Variants in SGCZ observed in about 807,000 individuals in gnomAD.
The protein encoded by SGCZ is zeta-sarcoglycan.
A neutral mutation model predicts 41.3 loss-of-function variants in SGCZ; 40 were observed. The observed-to-expected ratio is 0.97, with a 90% confidence interval of 0.75 to 1.26. The LOEUF is 1.26. Ranked by LOEUF, SGCZ falls within the 50% of genes most tolerant of loss-of-function variation. The probability of loss-of-function intolerance (pLI) is 0.00; values close to 1 mark genes in which losing one functional copy is unlikely to be tolerated. For synonymous variants in SGCZ, 206 were observed against 137.5 expected, an observed-to-expected ratio of 1.50 and a Z score of -3.49; for missense variants, 552 against 369.8, an observed-to-expected ratio of 1.49 and a Z score of -4.04.
At chr8:14,238,845 C>A (rs1283290295) in intron 3 of SGCZ, among the ~76,000 whole-genome samples, 2 of 152,004 alleles carry the variant, frequency 1.3e-5, no homozygotes, top group Non-Finnish European at 2.9e-5. Flanking sequence ...CCTCCAATAT[C>A]ATCCTTACCA....
intron 1 of SGCZ, among the ~76,000 whole-genome samples, chr8:14,875,613 T>C (rs1161628252): frequency 6.6e-6 from 1 of 152,144 alleles, no homozygotes; most frequent in East Asian, 1.9e-4. Flanking sequence ...CTTTGGACTG[T>C]GGTTTTCTCA....
At chr8:15,028,895 G>C (rs1160901184) in intron 1 of SGCZ, among the ~76,000 whole-genome samples, 1 of 151,996 alleles carries the variant, frequency 6.6e-6, no homozygotes, top group Non-Finnish European at 1.5e-5. Flanking sequence ...ATATATTCAA[G>C]ATAATTTAAA....
At chr8:14,142,930 G>A (rs183603767) in intron 5 of SGCZ, among the ~76,000 whole-genome samples, 8 of 151,536 alleles carry the variant, frequency 5.3e-5, no homozygotes, top group Admixed American at 5.3e-4. Flanking sequence ...CTCCCTAGAA[G>A]CAGAAGCCAG....
intron 4 of SGCZ, among the ~76,000 whole-genome samples, chr8:14,171,887 G>A (rs1271505547): frequency 6.6e-6 from 1 of 152,028 alleles, no homozygotes; most frequent in Non-Finnish European, 1.5e-5. Flanking sequence ...TCATAAATCA[G>A]TGAATTAAAT....
intron 2 of SGCZ, among the ~76,000 whole-genome samples, chr8:14,415,576 A>G (rs555475097): frequency 6.6e-6 from 1 of 152,112 alleles, no homozygotes; most frequent in African/African-American, 2.4e-5. Flanking sequence ...ACATTACAGT[A>G]AGTGAGACAG....
intron 1 of SGCZ, among the ~76,000 whole-genome samples, chr8:15,199,606 C>G (rs1800834246): frequency 6.6e-6 from 1 of 152,046 alleles, no homozygotes; most frequent in Non-Finnish European, 1.5e-5. Context: ...AATAGATCAT[C>G]TTTATAAATA....
chr8:14,713,683 C>A (rs1444389618), intron 1 of SGCZ, among the ~76,000 whole-genome samples: 2 of 143,124 alleles, frequency 1.4e-5, no homozygotes, highest in East Asian at 2.0e-4. Context: ...AGTAATAACC[C>A]CTGCCGCAAA....
chr8:14,319,287 C>A (rs1010166173), intron 3 of SGCZ, among the ~76,000 whole-genome samples: 1 of 151,836 alleles, frequency 6.6e-6, no homozygotes, highest in African/African-American at 2.4e-5. Context: ...ACCAAGGTGC[C>A]CTTGGATTTC....
At chr8:15,033,412 AGGCTCCATGCCTATTCCAGAACCAGTCT>A (rs1449264441) in intron 1 of SGCZ, among the ~76,000 whole-genome samples, 2 of 151,996 alleles carry the variant, frequency 1.3e-5, no homozygotes, top group Non-Finnish European at 2.9e-5. Context: ...GACTAGTCCC[AGGCTCCATGCCTATTCCAGAACCAGTCT>A]GGCCCCAGGG....
chr8:14,980,351 A>C (rs1223831892), intron 1 of SGCZ, among the ~76,000 whole-genome samples: 1 of 152,242 alleles, frequency 6.6e-6, no homozygotes, highest in Non-Finnish European at 1.5e-5. Context: ...GGGATACCCA[A>C]GTATTGACTT....
intron 3 of SGCZ, among the ~76,000 whole-genome samples, chr8:14,261,333 G>A (rs567820298): frequency 1.6e-4 from 24 of 151,976 alleles, no homozygotes; most frequent in African/African-American, 5.8e-4. Context: ...TAAAGAAAAG[G>A]GCTCCTTTCT....
intron 1 of SGCZ, among the ~76,000 whole-genome samples, chr8:14,732,391 A>G (rs1478172879): frequency 6.6e-6 from 1 of 152,162 alleles, no homozygotes; most frequent in Non-Finnish European, 1.5e-5. Flanking sequence ...TTCTCTCGGC[A>G]CAGAAGCTAA....
intron 4 of SGCZ, among the ~76,000 whole-genome samples, chr8:14,232,784 T>A (rs1180693686): frequency 6.6e-6 from 1 of 152,052 alleles, no homozygotes; most frequent in Non-Finnish European, 1.5e-5. Context: ...GTTAGTTCAT[T>A]CAGAATTCAT....
At chr8:14,445,491 C>T (rs1033692098) in intron 2 of SGCZ, among the ~76,000 whole-genome samples, 7 of 152,022 alleles carry the variant, frequency 4.6e-5, no homozygotes, top group African/African-American at 1.7e-4. Flanking sequence ...GGTGACTGGA[C>T]TTTAAGGAGA....
chr8:14,142,936 G>C (rs1803414025), intron 5 of SGCZ, among the ~76,000 whole-genome samples: 2 of 151,498 alleles, frequency 1.3e-5, no homozygotes, highest in Non-Finnish European at 2.9e-5. Flanking sequence ...AGAAGCAGAA[G>C]CCAGTATGCT....
At chr8:14,231,275 CAGAG>C (rs1563200153) in intron 4 of SGCZ, among the ~76,000 whole-genome samples, 1 of 134,580 alleles carries the variant, frequency 7.4e-6, no homozygotes, top group Admixed American at 7.4e-5. Flanking sequence ...GAGACAGAGA[CAGAG>C]AGAGAGAGTG....
intron 2 of SGCZ, among the ~76,000 whole-genome samples, chr8:14,384,937 C>T (rs747822750): frequency 9.2e-5 from 14 of 152,202 alleles, no homozygotes; most frequent in Non-Finnish European, 1.3e-4. Context: ...GAAAATGTTA[C>T]GTCAGAGGAC....
chr8:14,547,873 T>C (rs921230502), intron 2 of SGCZ, among the ~76,000 whole-genome samples: 1 of 152,190 alleles, frequency 6.6e-6, no homozygotes, highest in Non-Finnish European at 1.5e-5. Flanking sequence ...TTTACAAAAT[T>C]ATAAACCCCT....
intron 2 of SGCZ, among the ~76,000 whole-genome samples, chr8:14,405,487 A>T (rs1318629102): frequency 1.3e-5 from 2 of 152,200 alleles, no homozygotes; most frequent in Non-Finnish European, 2.9e-5. Flanking sequence ...TTATTTAAAT[A>T]ATATACTCTC....
Sources: gnomAD v4.1 joint callset for allele counts (sites outside exome capture counted in the v4.1 genomes callset) on GRCh38, gnomAD v4.1.1 for gene constraint, MANE v1.5 for transcripts, NCBI Gene and HGNC (gene_info 2026-07-23, HGNC 2026-07-21) for gene names.